EME1: variants seen among roughly 807,000 people sequenced by gnomAD.
EME1 encodes structure-specific endonuclease subunit EME1.
A neutral mutation model predicts 59.1 loss-of-function variants in EME1; 61 were observed. That is an observed-to-expected ratio of 1.03 (90% CI 0.84 to 1.28). The LOEUF (loss-of-function observed/expected upper bound fraction) is 1.28, where lower values mean the gene tolerates loss of function less well. Ranked by LOEUF, EME1 falls within the 50% of genes most tolerant of loss-of-function variation. The probability of loss-of-function intolerance (pLI) is 0.00; values close to 1 mark genes in which losing one functional copy is unlikely to be tolerated. For synonymous variants in EME1, 230 were observed against 254.2 expected, an observed-to-expected ratio of 0.90 and a Z score of 0.90; for missense variants, 635 against 682.6, an observed-to-expected ratio of 0.93 and a Z score of 0.78.
chr17:50,375,143 T>C (rs1204805506), intron 1 of EME1, 42 bp from the exon 2 acceptor site: 3 of 1,492,396 alleles, frequency 2.0e-6, no homozygotes, highest in African/African-American at 1.4e-5. Flanking sequence ...GTGGACTGAA[T>C]TGAATGCTCC....
chr17:50,381,192 C>A lies in EME1; in HGVS notation c.*253C>A, dbSNP rs1913822744. ...ATTCACTGCCACAGACAAACCACCC[C>A]CACTCCTACCCAGCCAGCCCTCAAA... On this transcript the variant is annotated 3_prime_UTR_variant, in exon 9 of 9. Transcript: ENST00000338165. The A allele has an allele frequency of 2.1e-6, 1 of 480,444 alleles. No individual in the cohort carries two copies. Among genetic ancestry groups the A allele is most frequent in the South Asian group, 2.9e-5 (1 of 34,884 alleles). 29.8% of individuals were successfully genotyped at this position (480,444 alleles called of 1,614,324 possible).
chr17:50,375,196 A>T lies in EME1; in HGVS notation c.-13A>T. The T allele has an allele frequency of 1.9e-6, 3 of 1,609,222 alleles. No homozygotes were observed. The highest frequency in any genetic ancestry group is 2.5e-6 in the Non-Finnish European group (3 of 1,178,182). ...TCTTTTCCTTTTAGGGAATTATTTG[A>T]TAGCACATACTGATGGCTCTAAAGA... On this transcript the variant is annotated 5_prime_UTR_variant, in exon 2 of 9. Coordinates refer to ENST00000338165, the MANE Select transcript of EME1 (RefSeq NM_152463.4).
At chr17:50,373,849 AGTGATGAATG>A (rs1447599127) in intron 1 of EME1, among the ~76,000 whole-genome samples, 1 of 152,266 alleles carries the variant, frequency 6.6e-6, no homozygotes, top group Non-Finnish European at 1.5e-5. Context: ...TAAATGTCCA[AGTGATGAATG>A]GATAAACAAA....
At chr17:50,373,550 G>A (rs777687122) in intron 1 of EME1, among the ~76,000 whole-genome samples, 3 of 152,222 alleles carry the variant, frequency 2.0e-5, no homozygotes, top group Non-Finnish European at 2.9e-5. Flanking sequence ...TGTACTAAGC[G>A]CGGTGGATGC....
At chr17:50,379,837 G>A (rs1361721134) in intron 7 of EME1, 2 of 424,930 alleles carry the variant, frequency 4.7e-6, no homozygotes, top group Non-Finnish European at 4.3e-6. Flanking sequence ...AAGTTACCAG[G>A]ATTAATTACA....
Position 50,376,146 on chromosome 17 carries a change from G to C in EME1, c.856G>C (p.Ala286Pro), listed in dbSNP as rs1415309610. 3 of 1,614,012 alleles carry C rather than the reference G, an allele frequency of 1.9e-6. No homozygotes were observed. The highest frequency in any genetic ancestry group is 2.5e-6 in the Non-Finnish European group (3 of 1,180,034). The change falls in exon 3 of 9, where the codon GCT (alanine) becomes CCT (proline). Residue 286 changes from alanine to proline, a missense_variant. Coordinates refer to ENST00000338165, the MANE Select transcript of EME1 (RefSeq NM_152463.4). ...MECRCVIEAQAVPCSVTWRRR... is the reference protein window; with the variant it reads ...MECRCVIEAQPVPCSVTWRRR... ...GTGCCGCTGTGTGATTGAGGCGCAG[G>C]CTGTGCCTTGCAGTGTCACTTGGAG...
chr17:50,380,736 T>C (rs1334779374), intron 8 of EME1, 27 bp from the exon 9 acceptor site: 4 of 1,613,004 alleles, frequency 2.5e-6, no homozygotes, highest in South Asian at 1.1e-5. Context: ...GATGGTACCA[T>C]ATTAAGAGGT....
Position 50,379,477 on chromosome 17 carries a change from CAG to C in EME1, c.1258_1259del (p.Glu420SerfsTer25). ...GCATTGGTGGATCTGCAGCTACACA[CAG>C]AAGCCCAGGCTCAAATTGTGCAGAG... is the stretch of plus-strand genomic sequence containing the variant. On this transcript the variant is annotated frameshift_variant, in exon 7 of 9. Transcript: ENST00000338165. LOFTEE classifies it high-confidence loss of function. 6.2e-7 allele frequency: 1 copy of C among 1,614,194 alleles called. No individual in the cohort carries two copies. Among genetic ancestry groups the C allele is most frequent in the South Asian group, 1.1e-5 (1 of 91,078 alleles).
Position 50,375,351 on chromosome 17 carries a change from A to C in EME1, c.143A>C (p.Asp48Ala). 6 of 1,614,238 alleles carry C rather than the reference A, an allele frequency of 3.7e-6. No individual in the cohort carries two copies. Among genetic ancestry groups the C allele is most frequent in the Non-Finnish European group, 2.5e-6 (3 of 1,180,048 alleles). ...AGGGAAGAGAAGATTGTAGTGGTTG[A>C]CATCTCAGATTGTGAAGCCTCCTGT... Reference protein sequence around the residue: ...PEREEKIVVVDISDCEASCPP... With the variant: ...PEREEKIVVVAISDCEASCPP... Residue 48 changes from aspartate to alanine, a missense_variant, in exon 2 of 9, where the codon GAC (aspartate) becomes GCC (alanine). By Grantham distance (126) the Asp-to-Ala change is moderately radical. Transcript: ENST00000338165.
chr17:50,379,370 TG>T (rs1201714745), intron 6 of EME1, 81 bp from the exon 7 acceptor site: 9 of 1,586,932 alleles, frequency 5.7e-6, no homozygotes, highest in East Asian at 2.2e-5. Flanking sequence ...GCCAAGGGGC[TG>T]GGGTGTGGCT....
In EME1 at chr17:50,380,801, T is replaced by C. The variant is rs771666515; in HGVS notation, c.1575T>C (p.Asn525=). The C allele has an allele frequency of 4.2e-5, 67 of 1,614,066 alleles. No individual in the cohort carries two copies. Among genetic ancestry groups the C allele is most frequent in the Non-Finnish European group, 4.8e-5 (57 of 1,180,052 alleles). The change falls in exon 9 of 9, where the codon AAT becomes AAC. Residue 525 remains asparagine, a synonymous_variant. Transcript: ENST00000338165. Reference sequence around the variant, plus strand: ...GTTTTTCGGATAAAGAACGCCAGAATTTGCTCGCAGACATACAGGTGCGCC... The same window carrying C: ...GTTTTTCGGATAAAGAACGCCAGAACTTGCTCGCAGACATACAGGTGCGCC... The part of the protein sequence containing the change: ...QQCFSDKERQ[N]LLADIQVRRG...
At chr17:50,379,890 G>A (rs16948981) in intron 7 of EME1, 81,590 of 326,338 alleles carry the variant, frequency 0.25, 12,350 homozygotes, top group African/African-American at 0.45. Context: ...GCAAATTTTT[G>A]GCCTACTCAG....
chr17:50,380,223 T>G (rs1485028094), intron 7 of EME1, 89 bp from the exon 8 acceptor site: 1 of 1,344,430 alleles, frequency 7.4e-7, no homozygotes, highest in Non-Finnish European at 1.0e-6. Flanking sequence ...TCTTCCAAGG[T>G]CAGTGGGGGG....
chr17:50,373,999 T>G (rs1326247291), intron 1 of EME1, among the ~76,000 whole-genome samples: 1 of 152,090 alleles, frequency 6.6e-6, no homozygotes, highest in Non-Finnish European at 1.5e-5. Flanking sequence ...GGCCACATAG[T>G]GTATGATTCT....
chr17:50,380,968 G>A lies in EME1; in HGVS notation c.*29G>A. On this transcript the variant is annotated 3_prime_UTR_variant, in exon 9 of 9. Coordinates refer to ENST00000338165, the MANE Select transcript of EME1 (RefSeq NM_152463.4). ...TAGCCCTCAGGGATGAGGATGAAAAGCTGGAAACTTCCACTTCCCCAACCT... is the reference window on the plus strand; with the variant it reads ...TAGCCCTCAGGGATGAGGATGAAAAACTGGAAACTTCCACTTCCCCAACCT... 1 of 1,610,314 alleles carries A rather than the reference G, an allele frequency of 6.2e-7. No homozygotes were observed. Among genetic ancestry groups the A allele is most frequent in the Non-Finnish European group, 8.5e-7 (1 of 1,177,164 alleles).
chr17:50,375,188 A>G lies in EME1; in HGVS notation c.-21A>G, dbSNP rs1325263329. 2 of 1,606,164 alleles carry G rather than the reference A, an allele frequency of 1.2e-6. No homozygotes were observed. The highest frequency in any genetic ancestry group is 1.7e-6 in the Non-Finnish European group (2 of 1,176,690). ...CATATGTCTCTTTTCCTTTTAGGGA[A>G]TTATTTGATAGCACATACTGATGGC... On this transcript the variant is annotated 5_prime_UTR_variant, in exon 2 of 9. Transcript: ENST00000338165.
Position 50,379,093 on chromosome 17 carries a change from C to T in EME1, c.1113-14C>T. ...CCTGGAGCTGCTGTTCTTTGATTTC[C>T]TCCCCTGCACCAGTGCTCAGAATCC... On this transcript the variant is annotated splice_polypyrimidine_tract_variant and intron_variant, in intron 5 of 8. Transcript: ENST00000338165. 1 of 1,614,080 alleles carries T rather than the reference C, an allele frequency of 6.2e-7. No individual in the cohort carries two copies. Among genetic ancestry groups the T allele is most frequent in the Non-Finnish European group, 8.5e-7 (1 of 1,180,032 alleles).
intron 7 of EME1, 25 bp downstream of exon 7, chr17:50,379,592 C>T: frequency 1.9e-6 from 3 of 1,591,164 alleles, no homozygotes; most frequent in Non-Finnish European, 2.6e-6. Flanking sequence ...CAAGTCCAGC[C>T]TCCATGCTGG....
At position 50,376,084 on chromosome 17, in the gene EME1, G is replaced by C. The variant is rs752492111; in HGVS notation, c.794G>C (p.Gly265Ala). The change falls in exon 3 of 9, where the codon GGT (glycine) becomes GCT (alanine). Residue 265 changes from glycine (G) to alanine (A), a missense_variant. Transcript: ENST00000338165. ...VLDPVLLQMEGGGQLLGALQT... is the reference protein window; with the variant it reads ...VLDPVLLQMEAGGQLLGALQT... ...GTTGCAGTGCTCTTACAGATGGAAGGTGGGGGCCAGCTCCTAGGAGCACTG... is the reference window on the plus strand; with the variant it reads ...GTTGCAGTGCTCTTACAGATGGAAGCTGGGGGCCAGCTCCTAGGAGCACTG... The C allele has an allele frequency of 7.4e-6, 12 of 1,613,642 alleles. No individual in the cohort carries two copies. In the Admixed American group the frequency reaches 1.8e-4, roughly 25 times the overall value.
Sources: allele counts gnomAD v4.1 joint callset (sites outside exome capture counted in the v4.1 genomes callset), GRCh38; gene constraint gnomAD v4.1.1; transcripts MANE v1.5; gene names NCBI Gene and HGNC (gene_info 2026-07-23, HGNC 2026-07-21).